EPS15: variants seen among roughly 807,000 people sequenced by gnomAD.
EPS15 encodes the protein epidermal growth factor receptor substrate 15.
A neutral mutation model predicts 113.8 loss-of-function variants in EPS15; 72 were observed. That is an observed-to-expected ratio of 0.63 (90% CI 0.52 to 0.77). The LOEUF is 0.77. EPS15 is among the 30% of genes least tolerant of loss of function. EPS15 has a pLI of 0.00. For synonymous variants in EPS15, 344 were observed against 363.4 expected (o/e 0.95, Z 0.61); for missense variants, 1,048 against 1,045.8 (o/e 1.00, Z -0.03).
chr1:51,386,723 T>A (rs1311836690), intron 21 of EPS15, among the ~76,000 whole-genome samples: 1 of 152,078 alleles, frequency 6.6e-6, no homozygotes, highest in Non-Finnish European at 1.5e-5. Context: ...GTATCAGTGA[T>A]GGAAGATGAA....
At position 51,356,620 on chromosome 1, in the gene EPS15, T is replaced by TA; in HGVS notation, c.*79dup. On this transcript the variant is annotated 3_prime_UTR_variant, in exon 25 of 25. Transcript: ENST00000371733. ...CCTTTTGTATTCCCATGCTCACAGG[T>TA]AGTTTTGATACACATTGTAAATAGT... 1 of 1,185,496 alleles carries TA rather than the reference T, an allele frequency of 8.4e-7. No individual in the cohort carries two copies. The highest frequency in any genetic ancestry group is 1.2e-6 in the Non-Finnish European group (1 of 851,564). 73.4% of individuals were successfully genotyped at this position (1,185,496 alleles called of 1,614,324 possible).
At chr1:51,375,889 T>G (rs767208014) in intron 21 of EPS15, among the ~76,000 whole-genome samples, 3 of 152,092 alleles carry the variant, frequency 2.0e-5, no homozygotes, top group Admixed American at 6.6e-5. Flanking sequence ...CCATAGGAAC[T>G]GAAAAAAACA....
chr1:51,370,468 C>T (rs1646619608), intron 21 of EPS15, among the ~76,000 whole-genome samples: 1 of 152,086 alleles, frequency 6.6e-6, no homozygotes, highest in African/African-American at 2.4e-5. Flanking sequence ...CATATCAGTG[C>T]TCAAAAAGGT....
chr1:51,502,879 G>T (rs1176699749), intron 1 of EPS15, among the ~76,000 whole-genome samples: 1 of 151,548 alleles, frequency 6.6e-6, no homozygotes, highest in East Asian at 1.9e-4. Context: ...GTGGGGGCTT[G>T]CCTATAATTC....
chr1:51,383,365 T>C (rs557718589), intron 21 of EPS15, among the ~76,000 whole-genome samples: 7 of 152,342 alleles, frequency 4.6e-5, no homozygotes, highest in African/African-American at 1.2e-4. Flanking sequence ...TTCTATTCAA[T>C]ATAGCAGCAG....
chr1:51,404,094 C>A (rs1040461348), intron 16 of EPS15, among the ~76,000 whole-genome samples: 2 of 152,058 alleles, frequency 1.3e-5, no homozygotes, highest in African/African-American at 4.8e-5. Flanking sequence ...CACCTGTAAT[C>A]CCAGCACTTT....
At chr1:51,421,922 C>T in intron 12 of EPS15, 64 bp from the exon 13 acceptor site, 1 of 1,603,692 alleles carries the variant, frequency 6.2e-7, no homozygotes, top group Non-Finnish European at 8.5e-7. Flanking sequence ...TATGGTTATC[C>T]ATCCTCCTAA....
chr1:51,357,414 ATATATATATATATT>A (rs1287664726), intron 24 of EPS15, among the ~76,000 whole-genome samples: 176 of 62,606 alleles, frequency 2.8e-3, no homozygotes, highest in Non-Finnish European at 3.7e-3. Flanking sequence ...ATATATATAT[ATATATATATATATT>A]TTTTTTTTTT....
chr1:51,482,217 T>C (rs919336482), intron 1 of EPS15, among the ~76,000 whole-genome samples: 13 of 151,994 alleles, frequency 8.6e-5, no homozygotes, highest in African/African-American at 2.9e-4. Context: ...TCCATATGAA[T>C]GTGTAAGAGT....
At chr1:51,363,741 G>T in intron 23 of EPS15, 125 bp downstream of exon 23, 1 of 749,666 alleles carries the variant, frequency 1.3e-6, no homozygotes, top group Non-Finnish European at 2.0e-6. Context: ...AATGACAGCA[G>T]CAGGCTTCTG....
intron 21 of EPS15, among the ~76,000 whole-genome samples, chr1:51,369,496 C>T (rs982200630): frequency 2.6e-5 from 4 of 152,102 alleles, no homozygotes; most frequent in East Asian, 1.9e-4. Flanking sequence ...ATTAGTACCG[C>T]CTTTCCCCAA....
chr1:51,462,549 A>T (rs1474041038), intron 7 of EPS15, among the ~76,000 whole-genome samples: 1 of 152,170 alleles, frequency 6.6e-6, no homozygotes, highest in African/African-American at 2.4e-5. Flanking sequence ...ACACCTGCTC[A>T]GTAGTCCACA....
intron 1 of EPS15, among the ~76,000 whole-genome samples, chr1:51,508,360 G>GAAAGAAAGAAAGA (rs1044894692): frequency 6.7e-6 from 1 of 149,446 alleles, no homozygotes. Context: ...AAGAAAGAAA[G>GAAAGAAAGAAAGA]AAAGAAAGAA....
At chr1:51,418,995 G>A (rs1353810815) in intron 13 of EPS15, among the ~76,000 whole-genome samples, 2 of 152,036 alleles carry the variant, frequency 1.3e-5, no homozygotes, top group East Asian at 3.9e-4. Context: ...AATATCTGTT[G>A]ACTACTCAGA....
At chr1:51,474,280 T>A (rs1363434375) in intron 2 of EPS15, among the ~76,000 whole-genome samples, 1 of 152,246 alleles carries the variant, frequency 6.6e-6, no homozygotes, top group Non-Finnish European at 1.5e-5. Flanking sequence ...TAGAGCCTCA[T>A]GAAAATGACT....
chr1:51,469,094 C>A (rs116054649), intron 4 of EPS15, among the ~76,000 whole-genome samples: 1 of 151,890 alleles, frequency 6.6e-6, no homozygotes, highest in Non-Finnish European at 1.5e-5. Flanking sequence ...CGGGCTACTG[C>A]GCTCTAGCCT....
In EPS15 at chr1:51,461,103, A is replaced by G; in HGVS notation, c.549T>C (p.Asp183=). ...DIDHDGMLDR[D]EFAVAMFLVY... ...TTAGATTACTTACAACTGCAAACTC[A>G]TCTCTGTCAAGCATTCCATCATGGT... The change falls in exon 8 of 25, where the codon GAT becomes GAC. Residue 183 remains aspartate (D), a synonymous_variant. Transcript: ENST00000371733. 6.3e-7 allele frequency: 1 copy of G among 1,599,518 alleles called. No individual in the cohort carries two copies. The highest frequency in any genetic ancestry group is 8.6e-7 in the Non-Finnish European group (1 of 1,166,668).
intron 8 of EPS15, among the ~76,000 whole-genome samples, chr1:51,449,651 T>G (rs1349979306): frequency 2.6e-5 from 4 of 151,748 alleles, no homozygotes; most frequent in Non-Finnish European, 2.9e-5. Flanking sequence ...AGGAAGAGTT[T>G]AATTGATGCA....
chr1:51,428,826 CAAA>C (rs902706524), intron 12 of EPS15, among the ~76,000 whole-genome samples: 9 of 53,842 alleles, frequency 1.7e-4, no homozygotes, highest in Middle Eastern at 0.01. Flanking sequence ...GACTCCATCT[CAAA>C]AAAAAAAAAA....
Sources: gnomAD v4.1 joint callset for allele counts (sites outside exome capture counted in the v4.1 genomes callset) on GRCh38, gnomAD v4.1.1 for gene constraint, MANE v1.5 for transcripts, NCBI Gene and HGNC (gene_info 2026-07-23, HGNC 2026-07-21) for gene names.